ZMYM2: variants seen among roughly 807,000 people sequenced by gnomAD.
ZMYM2 encodes the protein zinc finger MYM-type protein 2.
Under a neutral mutation model 162.8 loss-of-function variants are expected in ZMYM2, and 56 were observed. That is an observed-to-expected ratio of 0.34 (90% CI 0.28 to 0.43). ZMYM2 has a LOEUF of 0.43. Among genes scored for constraint, ZMYM2 ranks in the 20% least tolerant of loss-of-function variants. The pLI, the probability that ZMYM2 is intolerant of heterozygous loss-of-function variation, is 1.00. For synonymous variants in ZMYM2, 510 were observed against 541.6 expected, an observed-to-expected ratio of 0.94 and a Z score of 0.81; for missense variants, 1,275 against 1,621.8, an observed-to-expected ratio of 0.79 and a Z score of 3.67.
chr13:19,921,995 C>G, the ZMYM2 span, among the ~76,000 whole-genome samples: 1 of 151,950 alleles, frequency 6.6e-6, no homozygotes, highest in Non-Finnish European at 1.5e-5. Context: ...CTTACTGCAA[C>G]CTCTGCCTCC....
At chr13:20,018,664 T>C (rs1284605656) in intron 6 of ZMYM2, among the ~76,000 whole-genome samples, 1 of 152,250 alleles carries the variant, frequency 6.6e-6, no homozygotes, top group African/African-American at 2.4e-5. Context: ...GTTTTCCTTT[T>C]CTAGCATAGT....
At chr13:20,074,281 G>A (rs905422194) in intron 21 of ZMYM2, among the ~76,000 whole-genome samples, 1 of 151,666 alleles carries the variant, frequency 6.6e-6, no homozygotes, top group African/African-American at 2.4e-5. Flanking sequence ...GCCCAGGCTG[G>A]AGTCCAGTGG....
chr13:19,954,351 T>C (rs893270437), upstream of ZMYM2, among the ~76,000 whole-genome samples: 58 of 151,656 alleles, frequency 3.8e-4, no homozygotes, highest in South Asian at 1.7e-3. Context: ...CTCCTGACCT[T>C]GTGATCCGCC....
chr13:19,937,813 G>A, the ZMYM2 span, among the ~76,000 whole-genome samples: 40 of 114,770 alleles, frequency 3.5e-4, 1 homozygote, highest in South Asian at 5.5e-4. Flanking sequence ...AACAGTCCCT[G>A]GTGTGTGATG....
intron 12 of ZMYM2, among the ~76,000 whole-genome samples, chr13:20,037,712 GTA>G (rs1453473592): frequency 1.3e-5 from 2 of 152,150 alleles, no homozygotes; most frequent in African/African-American, 4.8e-5. Context: ...ATAAATGTGT[GTA>G]TGTGTATGTG....
intron 12 of ZMYM2, among the ~76,000 whole-genome samples, chr13:20,041,803 T>G (rs1954272838): frequency 6.6e-6 from 1 of 152,098 alleles, no homozygotes; most frequent in Non-Finnish European, 1.5e-5. Context: ...TACTTAATGA[T>G]GCTTAGTTTG....
At chr13:20,011,581 T>G (rs1322058044) in intron 6 of ZMYM2, among the ~76,000 whole-genome samples, 1 of 150,406 alleles carries the variant, frequency 6.6e-6, no homozygotes, top group East Asian at 1.9e-4. Context: ...TTGTTTTATT[T>G]TTTTTTTTTT....
At chr13:20,019,974 C>CA (rs796645018) in intron 7 of ZMYM2, 155 of 167,838 alleles carry the variant, frequency 9.2e-4, no homozygotes, top group African/African-American at 3.3e-3. Flanking sequence ...CCCTTTCTTT[C>CA]AAAAAAATTT....
At chr13:20,072,745 T>C (rs1046874787) in intron 21 of ZMYM2, among the ~76,000 whole-genome samples, 2 of 151,978 alleles carry the variant, frequency 1.3e-5, no homozygotes, top group African/African-American at 2.4e-5. Context: ...TGATATCAAC[T>C]GTTTAGATTT....
intron 21 of ZMYM2, among the ~76,000 whole-genome samples, chr13:20,074,238 G>GTGTGAGAGAC (rs1491149986): frequency 1.7e-4 from 21 of 120,576 alleles, no homozygotes; most frequent in East Asian, 2.0e-4. Flanking sequence ...GTGTGTGTGT[G>GTGTGAGAGAC]AGAGAGACAG....
At chr13:19,877,137 G>C in the ZMYM2 span, among the ~76,000 whole-genome samples, 2 of 151,844 alleles carry the variant, frequency 1.3e-5, no homozygotes, top group Non-Finnish European at 2.9e-5. Context: ...GCGTGAACCC[G>C]GGAGGCGGAG....
At chr13:20,069,076 T>A (rs1375813001) in intron 21 of ZMYM2, among the ~76,000 whole-genome samples, 3 of 152,178 alleles carry the variant, frequency 2.0e-5, no homozygotes, top group African/African-American at 7.2e-5. Context: ...TTTAGCTATT[T>A]CCCCTGGCAT....
At chr13:19,892,265 T>A in the ZMYM2 span, among the ~76,000 whole-genome samples, 2 of 151,454 alleles carry the variant, frequency 1.3e-5, no homozygotes, top group African/African-American at 4.9e-5. Context: ...TTATTTATTT[T>A]TATTTATTTA....
chr13:19,987,781 T>C (rs1486187088), intron 2 of ZMYM2, among the ~76,000 whole-genome samples: 1 of 151,810 alleles, frequency 6.6e-6, no homozygotes, highest in East Asian at 1.9e-4. Flanking sequence ...GTGCCCAGCC[T>C]AATTTTTGTA....
chr13:19,875,417 C>A, the ZMYM2 span, among the ~76,000 whole-genome samples: 3 of 152,046 alleles, frequency 2.0e-5, no homozygotes, highest in Admixed American at 6.6e-5. Flanking sequence ...ATCACGAGGT[C>A]AAGAGATGGA....
chr13:20,046,784 C>G (rs1169170620), intron 12 of ZMYM2, among the ~76,000 whole-genome samples: 3 of 151,102 alleles, frequency 2.0e-5, no homozygotes, highest in African/African-American at 7.3e-5. Flanking sequence ...GACAAAAGAC[C>G]ATGTTATTGT....
At chr13:19,903,735 G>A in the ZMYM2 span, among the ~76,000 whole-genome samples, 1 of 151,526 alleles carries the variant, frequency 6.6e-6, no homozygotes, top group Non-Finnish European at 1.5e-5. Flanking sequence ...GTGGTTCCCA[G>A]CTACTTGGGA....
At chr13:20,027,604 G>T (rs1261367231) in intron 9 of ZMYM2, among the ~76,000 whole-genome samples, 1 of 152,062 alleles carries the variant, frequency 6.6e-6, no homozygotes, top group Non-Finnish European at 1.5e-5. Flanking sequence ...TAGATAGTTT[G>T]AATAAAATGT....
chr13:20,019,004 C>CAG (rs970783050), intron 6 of ZMYM2, among the ~76,000 whole-genome samples: 6 of 149,984 alleles, frequency 4.0e-5, no homozygotes, highest in African/African-American at 1.2e-4. Context: ...CGCTTGAACC[C>CAG]AGGAGGTGGA....
Sources: gnomAD v4.1 joint callset for allele counts (sites outside exome capture counted in the v4.1 genomes callset) on GRCh38, gnomAD v4.1.1 for gene constraint, MANE v1.5 for transcripts, NCBI Gene and HGNC (gene_info 2026-07-23, HGNC 2026-07-21) for gene names.